ANKRD11: variants seen among roughly 807,000 people sequenced by gnomAD.
The protein encoded by ANKRD11 is ankyrin repeat domain-containing protein 11.
A neutral mutation model predicts 195.7 loss-of-function variants in ANKRD11; 17 were observed. The ratio of observed to expected loss-of-function variants is 0.09; its 90% CI spans 0.06 to 0.13. The LOEUF (loss-of-function observed/expected upper bound fraction) is 0.13. Among genes scored for constraint, ANKRD11 ranks in the 10% least tolerant of loss-of-function variants. The pLI, the probability that ANKRD11 is intolerant of heterozygous loss-of-function variation, is 1.00. For missense variants in ANKRD11, 3,735 were observed against 3,566.1 expected, an observed-to-expected ratio of 1.05 and a Z score of -1.21; for synonymous variants, 1,953 against 1,528.1, an observed-to-expected ratio of 1.28 and a Z score of -6.49.
intron 1 of ANKRD11, among the ~76,000 whole-genome samples, chr16:89,441,680 TGGCATGAACCCAG>T (rs1462879314): frequency 2.2e-5 from 3 of 137,582 alleles, no homozygotes; most frequent in Non-Finnish European, 4.5e-5. Flanking sequence ...GGCAGGAGAA[TGGCATGAACCCAG>T]GAGGCGGACT....
At chr16:89,367,876 T>C (rs1315724643) in intron 2 of ANKRD11, among the ~76,000 whole-genome samples, 3 of 152,012 alleles carry the variant, frequency 2.0e-5, no homozygotes, top group Non-Finnish European at 4.4e-5. Flanking sequence ...CACGGTGGTG[T>C]GCTTGTGGTA....
chr16:89,378,399 G>A (rs2040509880), intron 2 of ANKRD11, among the ~76,000 whole-genome samples: 1 of 152,160 alleles, frequency 6.6e-6, no homozygotes, highest in African/African-American at 2.4e-5. Context: ...CAACGTGTAT[G>A]TCAACCATAT....
rs1247553173 is a variant in ANKRD11, at chr16:89,349,561, T to A, written c.-59-32483A>T. On this transcript the variant is annotated intron_variant, in intron 2 of 12. Transcript: ENST00000301030. ...GTAAAGAAATTGAATGGCAAAATAA[T>A]CTTTTCCACAAATGATGCTGGAAAT... is the stretch of plus-strand genomic sequence containing the variant. 3.9e-5 allele frequency among the ~76,000 whole-genome samples: 6 copies of A among 152,216 alleles called. 1 individual carries two copies.
intron 1 of ANKRD11, chr16:89,418,588 G>A (rs1327426489): frequency 4.9e-6 from 1 of 202,460 alleles, no homozygotes; most frequent in Non-Finnish European, 1.0e-5. Flanking sequence ...CAACTTAAAG[G>A]TAAATCCAAA....
intron 2 of ANKRD11, among the ~76,000 whole-genome samples, chr16:89,364,219 T>C (rs984781267): frequency 2.0e-5 from 3 of 152,326 alleles, no homozygotes; most frequent in South Asian, 2.1e-4. Flanking sequence ...TCAGGCAACA[T>C]GTGGGGGCCC....
chr16:89,473,612 A>G (rs1319409435), intron 1 of ANKRD11, among the ~76,000 whole-genome samples: 1 of 152,214 alleles, frequency 6.6e-6, no homozygotes, highest in Non-Finnish European at 1.5e-5. Flanking sequence ...TGGAGGAGAG[A>G]GAAGAGACGC....
chr16:89,323,255 C>G (rs867237093), intron 2 of ANKRD11: 3 of 1,256,654 alleles, frequency 2.4e-6, no homozygotes, highest in Middle Eastern at 2.2e-4. Context: ...GGAAAAAGAG[C>G]TGCATACCTG....
At chr16:89,430,956 C>G (rs997873830) in intron 1 of ANKRD11, among the ~76,000 whole-genome samples, 4 of 151,996 alleles carry the variant, frequency 2.6e-5, no homozygotes, top group Non-Finnish European at 5.9e-5. Context: ...GAAGTGGGTG[C>G]GCAGGCGGAG....
At position 89,474,666 on chromosome 16, in the gene ANKRD11, C is replaced by G. The variant is rs2057197068; in HGVS notation, c.-145+15579G>C. 5.3e-5 allele frequency among the ~76,000 whole-genome samples: 8 copies of G among 152,110 alleles called. 1 individual carries two copies. In the South Asian group the frequency reaches 1.5e-3, roughly 28 times the overall value. On this transcript the variant is annotated intron_variant, in intron 1 of 12. Coordinates refer to ENST00000301030, the MANE Select transcript of ANKRD11 (RefSeq NM_013275.6). ...GATGCCAACCCCACTGAGACCAAGG[C>G]AGCCTCCCAAGCTCAGAGAGACTCC...
chr16:89,318,744 G>A (rs1039180909), intron 2 of ANKRD11, among the ~76,000 whole-genome samples: 2 of 152,162 alleles, frequency 1.3e-5, no homozygotes, highest in Non-Finnish European at 2.9e-5. Context: ...CCCACCAACT[G>A]CTGTCTTGGT....
chr16:89,280,500 C>T lies in ANKRD11; in HGVS notation c.6042G>A (p.Pro2014=), dbSNP rs1290507172. Residue 2014 remains proline (P), a synonymous_variant, in exon 9 of 13, where the codon CCG becomes CCA. Transcript: ENST00000301030. The part of the protein sequence containing the change: ...APGPFSASEA[P]YPAPPASPAP... ...CAGGAGAGGCGGGAGGGGCGGGGTA[C>T]GGCGCCTCCGAGGCGCTGAAGGGCC... 9 of 1,593,320 alleles carry T rather than the reference C, an allele frequency of 5.6e-6. No homozygotes were observed. Among genetic ancestry groups the T allele is most frequent in the South Asian group, 3.4e-5 (3 of 89,402 alleles).
intron 1 of ANKRD11, among the ~76,000 whole-genome samples, chr16:89,437,623 T>C (rs1391020147): frequency 6.6e-6 from 1 of 152,026 alleles, no homozygotes; most frequent in Non-Finnish European, 1.5e-5. Context: ...GTCCAAGGGG[T>C]TTATGAAAGC....
intron 2 of ANKRD11, among the ~76,000 whole-genome samples, chr16:89,415,261 C>CTTTTTTT: frequency 1.2e-5 from 1 of 84,532 alleles, no homozygotes; most frequent in Non-Finnish European, 2.2e-5. Flanking sequence ...GCCAGCTATT[C>CTTTTTTT]TTTTTTTTTT....
rs1443845251 is a variant in ANKRD11, at chr16:89,359,895, T to C, written c.-59-42817A>G. On this transcript the variant is annotated intron_variant, in intron 2 of 12. Transcript: ENST00000301030. The stretch of plus-strand genomic sequence containing the variant: ...GCCAAAATCAGCATCACATAGTTTA[T>C]ATGTTTTTTAACTTTTAGGTTCGGG... Among the ~76,000 whole-genome samples, 3 of 152,164 alleles carry C rather than the reference T, an allele frequency of 2.0e-5. No homozygotes were observed. In the East Asian group the frequency reaches 5.8e-4, roughly 29 times the overall value.
chr16:89,363,746 G>A (rs769492781), intron 2 of ANKRD11, among the ~76,000 whole-genome samples: 3 of 152,314 alleles, frequency 2.0e-5, no homozygotes, highest in Non-Finnish European at 4.4e-5. Flanking sequence ...ACACGGGCCT[G>A]CAGGTTCCAG....
intron 4 of ANKRD11, among the ~76,000 whole-genome samples, chr16:89,296,481 T>C (rs1024527666): frequency 1.3e-5 from 2 of 152,280 alleles, no homozygotes; most frequent in Non-Finnish European, 2.9e-5. Flanking sequence ...TACTTTCTTA[T>C]GTTGTGTCTA....
chr16:89,380,930 C>A (rs887502877), intron 2 of ANKRD11, among the ~76,000 whole-genome samples: 11 of 152,166 alleles, frequency 7.2e-5, no homozygotes, highest in Non-Finnish European at 1.6e-4. Context: ...ACGGAGCACG[C>A]ATCCCTGCTT....
intron 1 of ANKRD11, among the ~76,000 whole-genome samples, chr16:89,439,920 C>A (rs919057371): frequency 6.6e-6 from 1 of 152,250 alleles, no homozygotes; most frequent in African/African-American, 2.4e-5. Flanking sequence ...AAGACTCCAG[C>A]TCTACTGCAC....
At chr16:89,323,178 G>A in intron 2 of ANKRD11, 1 of 575,518 alleles carries the variant, frequency 1.7e-6, no homozygotes, top group South Asian at 1.7e-5. Flanking sequence ...GTGGTGCCTT[G>A]TGCACACCTC....
Sources: gnomAD v4.1 joint callset for allele counts (sites outside exome capture counted in the v4.1 genomes callset) on GRCh38, gnomAD v4.1.1 for gene constraint, MANE v1.5 for transcripts, NCBI Gene and HGNC (gene_info 2026-07-23, HGNC 2026-07-21) for gene names.